Variants in MRAP2 observed in about 807,000 individuals in gnomAD.
MRAP2 encodes the protein melanocortin-2 receptor accessory protein 2.
A neutral mutation model predicts 17.4 loss-of-function variants in MRAP2; 20 were observed. The ratio of observed to expected loss-of-function variants is 1.15; its 90% CI spans 0.81 to 1.67. MRAP2 has a LOEUF of 1.67. Ranked by LOEUF, MRAP2 falls within the 40% of genes most tolerant of loss-of-function variation. The pLI is 0.00. For synonymous variants in MRAP2, 96 were observed against 88.4 expected (o/e 1.09, Z -0.48); for missense variants, 238 against 240.0 (o/e 0.99, Z 0.05).
chr6:84,055,523 C>A, intron 2 of MRAP2, 78 bp downstream of exon 2: 1 of 1,418,092 alleles, frequency 7.1e-7, no homozygotes, highest in Non-Finnish European at 9.7e-7. Context: ...ATTACTTCTC[C>A]TGAGCATTCT....
the MRAP2 span, chr6:84,126,355 T>C: frequency 6.5e-7 from 1 of 1,541,320 alleles, no homozygotes; most frequent in African/African-American, 1.4e-5. Context: ...CCTATATAAA[T>C]ATGTAAATGT....
the MRAP2 span, among the ~76,000 whole-genome samples, chr6:84,144,694 C>T: frequency 4.6e-5 from 7 of 152,128 alleles, no homozygotes; most frequent in African/African-American, 1.7e-4. Context: ...AACCCAACAT[C>T]AAGCAGAACA....
chr6:84,067,859 T>G (rs1398581754), intron 3 of MRAP2, among the ~76,000 whole-genome samples: 1 of 152,132 alleles, frequency 6.6e-6, no homozygotes, highest in Admixed American at 6.6e-5. Context: ...TTCTGCTGAC[T>G]GTTCCTATTG....
chr6:84,033,488 T>C (rs1397793650), upstream of MRAP2, among the ~76,000 whole-genome samples: 1 of 152,230 alleles, frequency 6.6e-6, no homozygotes, highest in Non-Finnish European at 1.5e-5. Context: ...GCTCAGCTAA[T>C]GAGCTCCTCC....
At chr6:84,137,381 C>T in the MRAP2 span, among the ~76,000 whole-genome samples, 8 of 152,268 alleles carry the variant, frequency 5.3e-5, no homozygotes, top group Non-Finnish European at 1.0e-4. Context: ...ATTCCACTAT[C>T]TGTTCATAAA....
the MRAP2 span, among the ~76,000 whole-genome samples, chr6:84,096,730 G>C: frequency 3.9e-5 from 6 of 152,236 alleles, no homozygotes; most frequent in East Asian, 1.2e-3. Flanking sequence ...CTCACAGGAA[G>C]TTCTGGGGCA....
At chr6:84,103,671 C>A in the MRAP2 span, among the ~76,000 whole-genome samples, 18 of 152,298 alleles carry the variant, frequency 1.2e-4, no homozygotes, top group African/African-American at 3.6e-4. Context: ...TTTCAGAAAA[C>A]CATTCCAGAC....
the MRAP2 span, among the ~76,000 whole-genome samples, chr6:84,121,600 C>A: frequency 4.7e-4 from 72 of 152,270 alleles, no homozygotes; most frequent in African/African-American, 1.7e-3. Flanking sequence ...GCCGAGATTA[C>A]ACCATAGCAT....
the MRAP2 span, among the ~76,000 whole-genome samples, chr6:84,100,911 T>C: frequency 6.6e-6 from 1 of 152,196 alleles, no homozygotes; most frequent in Non-Finnish European, 1.5e-5. Context: ...GCTCATTTCC[T>C]GCATATTGTC....
chr6:84,097,354 A>G, the MRAP2 span, among the ~76,000 whole-genome samples: 2 of 152,146 alleles, frequency 1.3e-5, no homozygotes, highest in South Asian at 4.2e-4. Context: ...TTGTGGCTTT[A>G]AGTTTCCTCT....
At chr6:84,048,977 G>GCCAT (rs952976912) in intron 1 of MRAP2, among the ~76,000 whole-genome samples, 1 of 152,018 alleles carries the variant, frequency 6.6e-6, no homozygotes, top group Non-Finnish European at 1.5e-5. Context: ...GCATCTCAGG[G>GCCAT]CCATGCCTCT....
chr6:84,037,099 T>C (rs143923044), intron 1 of MRAP2, among the ~76,000 whole-genome samples: 1,845 of 149,338 alleles, frequency 0.012, 42 homozygotes, highest in African/African-American at 0.044. Flanking sequence ...AAAAGTTCTC[T>C]AAGTCCCCAC....
chr6:84,126,896 C>T, the MRAP2 span, among the ~76,000 whole-genome samples: 3 of 152,162 alleles, frequency 2.0e-5, no homozygotes, highest in African/African-American at 7.2e-5. Flanking sequence ...GTGCCCCATG[C>T]ACAGAAAGAG....
At chr6:84,088,611 C>A (rs546690776) in intron 3 of MRAP2, among the ~76,000 whole-genome samples, 1 of 152,244 alleles carries the variant, frequency 6.6e-6, no homozygotes, top group African/African-American at 2.4e-5. Flanking sequence ...ATTTAATGTA[C>A]CCCTATGAGA....
At chr6:84,140,938 A>G in the MRAP2 span, among the ~76,000 whole-genome samples, 1 of 152,114 alleles carries the variant, frequency 6.6e-6, no homozygotes, top group African/African-American at 2.4e-5. Context: ...AAGAGGGAGG[A>G]TGGTTTTGGG....
chr6:84,045,413 A>G, intron 1 of MRAP2: 2 of 984,068 alleles, frequency 2.0e-6, no homozygotes, highest in Non-Finnish European at 2.4e-6. Flanking sequence ...ACCTCCACGA[A>G]TGACCTGCCC....
chr6:84,143,561 CTG>C, the MRAP2 span, among the ~76,000 whole-genome samples: 9 of 151,754 alleles, frequency 5.9e-5, no homozygotes, highest in Non-Finnish European at 1.2e-4. Flanking sequence ...GAATGACAGA[CTG>C]TTTTATAATG....
the MRAP2 span, among the ~76,000 whole-genome samples, chr6:84,127,436 T>C: frequency 6.6e-6 from 1 of 152,148 alleles, no homozygotes; most frequent in African/African-American, 2.4e-5. Flanking sequence ...CCTGATGATA[T>C]CATCATTGAA....
At chr6:84,046,419 A>C (rs1234563991) in intron 1 of MRAP2, among the ~76,000 whole-genome samples, 1 of 152,104 alleles carries the variant, frequency 6.6e-6, no homozygotes, top group Non-Finnish European at 1.5e-5. Context: ...TTGGAATGAT[A>C]ATTTGTAGTG....
Sources: allele counts gnomAD v4.1 joint callset (sites outside exome capture counted in the v4.1 genomes callset), GRCh38; gene constraint gnomAD v4.1.1; transcripts MANE v1.5; gene names NCBI Gene and HGNC (gene_info 2026-07-23, HGNC 2026-07-21).